Variants in DPYSL2 observed in about 807,000 individuals in gnomAD.
DPYSL2 encodes the protein dihydropyrimidinase-related protein 2.
Under a neutral mutation model 69.9 loss-of-function variants are expected in DPYSL2, and 13 were observed. The observed-to-expected ratio is 0.19, with a 90% CI of 0.12 to 0.30. The LOEUF (loss-of-function observed/expected upper bound fraction) is 0.30, where lower values mean the gene tolerates loss of function less well. Among genes scored for constraint, DPYSL2 ranks in the 10% least tolerant of loss-of-function variants. DPYSL2 has a pLI of 1.00. For synonymous variants in DPYSL2, 326 were observed against 359.1 expected (o/e 0.91, Z 1.04); for missense variants, 587 against 918.9 (o/e 0.64, Z 4.67).
intron 1 of DPYSL2, among the ~76,000 whole-genome samples, chr8:26,553,202 T>G (rs1478897284): frequency 6.6e-6 from 1 of 152,216 alleles, no homozygotes; most frequent in Non-Finnish European, 1.5e-5. Context: ...ATTCATTCAC[T>G]GGTGAATTCA....
In DPYSL2 at chr8:26,571,956, T is replaced by C. The variant is rs569778394; in HGVS notation, c.355-10013T>C. 1.5e-4 allele frequency among the ~76,000 whole-genome samples: 23 copies of C among 152,224 alleles called. No individual in the cohort carries two copies. The highest frequency in any genetic ancestry group is 2.8e-4 in the Non-Finnish European group (19 of 68,032). ...GGCATCACTTCCAGCTCAAGTGTCC[T>C]AGTCAATGCCCTTTGTTTTGGCAAA... On this transcript the variant is annotated intron_variant, in intron 1 of 13. Coordinates refer to ENST00000521913, the MANE Select transcript of DPYSL2 (RefSeq NM_001197293.3). This position sits in a 1 kb window ranked among gnomAD's most constrained non-coding sequence, Gnocchi z 6.1.
intron 3 of DPYSL2, among the ~76,000 whole-genome samples, chr8:26,622,136 T>C (rs1219982586): frequency 3.3e-4 from 18 of 54,486 alleles, no homozygotes; most frequent in East Asian, 1.0e-3. Flanking sequence ...CTTCCTTCCT[T>C]CCTTCCTTCC....
At chr8:26,595,024 AAATC>A (rs4055147) in intron 3 of DPYSL2, among the ~76,000 whole-genome samples, 64,224 of 150,962 alleles carry the variant, frequency 0.43, 15,801 homozygotes, top group East Asian at 0.7. Flanking sequence ...GTCTCTACCA[AAATC>A]AATCAATCAA....
chr8:26,575,737 A>G (rs750175411), intron 1 of DPYSL2, among the ~76,000 whole-genome samples: 15 of 152,236 alleles, frequency 9.9e-5, no homozygotes, highest in Non-Finnish European at 5.9e-5. Context: ...ATTTAAACCC[A>G]TTACGCTCAA....
intron 3 of DPYSL2, chr8:26,623,832 AT>A (rs1802555637): frequency 3.8e-5 from 10 of 265,362 alleles, no homozygotes; most frequent in Non-Finnish European, 6.5e-5. Context: ...TGACACTGCC[AT>A]TGTCCATAAG....
intron 3 of DPYSL2, among the ~76,000 whole-genome samples, chr8:26,613,859 T>C (rs1802289419): frequency 6.6e-6 from 1 of 152,126 alleles, no homozygotes; most frequent in Non-Finnish European, 1.5e-5. Flanking sequence ...GGGTGGGGCA[T>C]GGTAGCTCAT....
In DPYSL2 at chr8:26,653,968, A is replaced by T. The variant is rs1803330420; in HGVS notation, c.1942+571A>T. 6.6e-6 allele frequency among the ~76,000 whole-genome samples: 1 copy of T among 152,202 alleles called. No individual in the cohort carries two copies. Among genetic ancestry groups the T allele is most frequent in the Non-Finnish European group, 1.5e-5 (1 of 68,034 alleles). ...CTGTGTTTTACCTAATATATTAAGA[A>T]GACATTTGTTCAATTTATTAGGTCC... is the stretch of plus-strand genomic sequence containing the variant. On this transcript the variant is annotated intron_variant, in intron 13 of 13. Transcript: ENST00000521913. This position sits in a 1 kb window ranked among gnomAD's most constrained non-coding sequence, Gnocchi z 5.7.
intron 1 of DPYSL2, among the ~76,000 whole-genome samples, chr8:26,553,197 T>A (rs921759908): frequency 6.6e-6 from 1 of 152,172 alleles, no homozygotes; most frequent in Non-Finnish European, 1.5e-5. Context: ...CCCAGATTCA[T>A]TCACTGGTGA....
chr8:26,653,456 AG>A lies in DPYSL2; in HGVS notation c.1942+61del. On this transcript the variant is annotated intron_variant, in intron 13 of 13. Coordinates refer to ENST00000521913, the MANE Select transcript of DPYSL2 (RefSeq NM_001197293.3). This position sits in a 1 kb window ranked among gnomAD's most constrained non-coding sequence, Gnocchi z 5.7. ...CAGGGCCAGCTCGCTGGTGCTGGCG[AG>A]GCTACAGTTGCATTTGGAAAGGACA... The A allele has an allele frequency of 6.5e-7, 1 of 1,532,280 alleles. No homozygotes were observed. Among genetic ancestry groups the A allele is most frequent in the Non-Finnish European group, 8.8e-7 (1 of 1,131,646 alleles). The allele number at this position is 1,532,280 out of a possible 1,614,324, so 94.9% of individuals were successfully genotyped here.
intron 11 of DPYSL2, among the ~76,000 whole-genome samples, chr8:26,651,672 C>T (rs766789285): frequency 2.0e-5 from 3 of 152,220 alleles, no homozygotes; most frequent in African/African-American, 4.8e-5. Context: ...CTGTTTTACC[C>T]GGAAAAACTT....
In DPYSL2 at chr8:26,627,388, G is replaced by A. The variant is rs1802643283; in HGVS notation, c.936+93G>A. Reference sequence around the variant, plus strand: ...AGCTGCATCTGTAGCTTAACACCAAGGTGGAAAAGCAGAGGGACCTGGTGT... The same window carrying A: ...AGCTGCATCTGTAGCTTAACACCAAAGTGGAAAAGCAGAGGGACCTGGTGT... On this transcript the variant is annotated intron_variant, in intron 6 of 13. Transcript: ENST00000521913. This position sits in a 1 kb window ranked among gnomAD's most constrained non-coding sequence, Gnocchi z 6.9. 1 of 1,360,138 alleles carries A rather than the reference G, an allele frequency of 7.4e-7. No homozygotes were observed. The highest frequency in any genetic ancestry group is 1.0e-6 in the Non-Finnish European group (1 of 958,816). 84.3% of individuals were successfully genotyped at this position (1,360,138 alleles called of 1,614,324 possible). A position where few individuals can be genotyped will look rare whatever the true frequency, so the allele number is the denominator to read the frequency against.
At chr8:26,578,389 A>G (rs1164422346) in intron 1 of DPYSL2, 2 of 1,582,856 alleles carry the variant, frequency 1.3e-6, no homozygotes, top group African/African-American at 2.7e-5. Flanking sequence ...AAGGAGAGGG[A>G]CCGAACTTTT....
intron 7 of DPYSL2, among the ~76,000 whole-genome samples, chr8:26,628,561 G>A (rs1183080217): frequency 6.6e-6 from 1 of 152,332 alleles, no homozygotes; most frequent in Middle Eastern, 3.4e-3. Flanking sequence ...GTTAGAATTT[G>A]TGGCTGTGAA....
At chr8:26,601,333 T>C (rs1321531953) in intron 3 of DPYSL2, among the ~76,000 whole-genome samples, 2 of 152,084 alleles carry the variant, frequency 1.3e-5, no homozygotes, top group African/African-American at 4.8e-5. Flanking sequence ...CAGCACTTAA[T>C]CCTGCTGGGT....
At chr8:26,608,391 GA>G (rs1802154837) in intron 3 of DPYSL2, among the ~76,000 whole-genome samples, 1 of 152,184 alleles carries the variant, frequency 6.6e-6, no homozygotes, top group Non-Finnish European at 1.5e-5. Context: ...TTTTGGCATT[GA>G]AGTACTTTTG....
Position 26,605,871 on chromosome 8 carries a change from C to T in DPYSL2, c.629-18272C>T, listed in dbSNP as rs1802096891. On this transcript the variant is annotated intron_variant, in intron 3 of 13. Transcript: ENST00000521913. This position sits in a 1 kb window ranked among gnomAD's most constrained non-coding sequence, Gnocchi z 4.1. The stretch of plus-strand genomic sequence containing the variant: ...ACCCAATACTGTAAAGAAGTGTATA[C>T]TTTAGATTAATTTTAAAATTGAAAA... 1.3e-5 allele frequency among the ~76,000 whole-genome samples: 2 copies of T among 152,082 alleles called. No homozygotes were observed. Among genetic ancestry groups the T allele is most frequent in the Admixed American group, 6.5e-5 (1 of 15,272 alleles).
chr8:26,630,743 C>T (rs1802753116), intron 7 of DPYSL2, among the ~76,000 whole-genome samples: 1 of 152,166 alleles, frequency 6.6e-6, no homozygotes, highest in African/African-American at 2.4e-5. Context: ...GAGGACACTC[C>T]AGAAGCATGA....
chr8:26,537,162 G>A (rs1052624958), intron 1 of DPYSL2, among the ~76,000 whole-genome samples: 2 of 152,096 alleles, frequency 1.3e-5, no homozygotes, highest in Non-Finnish European at 2.9e-5. Flanking sequence ...TTCCTACAGA[G>A]TTGGTTAGGT....
At position 26,652,511 on chromosome 8, in the gene DPYSL2, C is replaced by A; in HGVS notation, c.1776+75C>A. Reference sequence around the variant, plus strand: ...CAAGGCCACAAACATTTATTAAGCACCTTGAGACAGAATATTAAGATGAAT... The same window carrying A: ...CAAGGCCACAAACATTTATTAAGCAACTTGAGACAGAATATTAAGATGAAT... On this transcript the variant is annotated intron_variant, in intron 12 of 13. Transcript: ENST00000521913. This position sits in a 1 kb window ranked among gnomAD's most constrained non-coding sequence, Gnocchi z 6.3. 6 of 1,435,732 alleles carry A rather than the reference C, an allele frequency of 4.2e-6. No homozygotes were observed. The highest frequency in any genetic ancestry group is 2.9e-5 in the African/African-American group (2 of 70,036). The allele number at this position is 1,435,732 out of a possible 1,614,324, so 88.9% of individuals were successfully genotyped here.
Sources: allele counts gnomAD v4.1 joint callset (sites outside exome capture counted in the v4.1 genomes callset), GRCh38; gene constraint gnomAD v4.1.1; non-coding constraint Gnocchi (gnomAD v3.1); transcripts MANE v1.5; gene names NCBI Gene and HGNC (gene_info 2026-07-23, HGNC 2026-07-21).